The following MAP2K6 variants were observed in gnomAD, a reference collection of about 807,000 sequenced individuals.
MAP2K6 encodes the protein mitogen-activated protein kinase kinase 6.
A neutral mutation model predicts 53.7 loss-of-function variants in MAP2K6; 16 were observed. The observed-to-expected ratio is 0.30, with a 90% confidence interval of 0.20 to 0.45. The LOEUF (loss-of-function observed/expected upper bound fraction) is 0.45, where lower values mean the gene tolerates loss of function less well. Among genes scored for constraint, MAP2K6 ranks in the 20% least tolerant of loss-of-function variants. The pLI, the probability that MAP2K6 is intolerant of heterozygous loss-of-function variation, is 1.00. For missense variants in MAP2K6, 204 were observed against 411.9 expected, an observed-to-expected ratio of 0.50 and a Z score of 4.37; for synonymous variants, 132 against 143.1, an observed-to-expected ratio of 0.92 and a Z score of 0.55.
At chr17:69,530,897 C>T (rs1440413084) in intron 10 of MAP2K6, among the ~76,000 whole-genome samples, 1 of 152,076 alleles carries the variant, frequency 6.6e-6, no homozygotes, top group Non-Finnish European at 1.5e-5. Context: ...TGATCTGGAG[C>T]TTGGTGGAAA....
At chr17:69,534,142 C>T (rs1304148621) in intron 10 of MAP2K6, among the ~76,000 whole-genome samples, 1 of 152,144 alleles carries the variant, frequency 6.6e-6, no homozygotes, top group East Asian at 1.9e-4. Context: ...GATGTAACAA[C>T]CAAAAATGCC....
At chr17:69,438,127 G>C (rs1054230624) in intron 1 of MAP2K6, among the ~76,000 whole-genome samples, 4 of 152,238 alleles carry the variant, frequency 2.6e-5, no homozygotes, top group Admixed American at 2.6e-4. Context: ...AAACCTTTCC[G>C]AGGGGGACAG....
intron 1 of MAP2K6, among the ~76,000 whole-genome samples, chr17:69,493,849 C>T (rs1908847336): frequency 6.6e-6 from 1 of 152,062 alleles, no homozygotes; most frequent in Non-Finnish European, 1.5e-5. Flanking sequence ...ACCCCTTGTA[C>T]CCTTGTACCC....
chr17:69,451,062 A>G (rs1194261214), intron 1 of MAP2K6, among the ~76,000 whole-genome samples: 4 of 152,326 alleles, frequency 2.6e-5, no homozygotes, highest in Admixed American at 6.5e-5. Flanking sequence ...AACAGCGTGA[A>G]TAAGGGCACA....
intron 2 of MAP2K6, among the ~76,000 whole-genome samples, chr17:69,516,136 C>T (rs2145248205): frequency 6.6e-6 from 1 of 152,088 alleles, no homozygotes; most frequent in South Asian, 2.1e-4. Flanking sequence ...ATTATTATTA[C>T]ATTGTAATAC....
intron 2 of MAP2K6, among the ~76,000 whole-genome samples, chr17:69,515,160 CTTT>C (rs879532445): frequency 7.2e-6 from 1 of 138,696 alleles, no homozygotes. Context: ...TCGAAATTTG[CTTT>C]TTTTTTTTTT....
Position 69,549,859 on chromosome 17 carries a change from T to C in MAP2K6, c.*8106T>C, listed in dbSNP as rs921867573. ...ATCTTAGGGGATTGTTGCTGGACTT[T>C]GGAATATAAGGCTGAACAGTGATGT... On this transcript the variant is annotated 3_prime_UTR_variant, in exon 12 of 12. Transcript: ENST00000590474. 1.3e-5 allele frequency: 2 copies of C among 152,100 alleles called. No homozygotes were observed. The highest frequency in any genetic ancestry group is 4.8e-5 in the African/African-American group (2 of 41,418). 9.4% of individuals were successfully genotyped at this position (152,100 alleles called of 1,614,324 possible).
intron 4 of MAP2K6, among the ~76,000 whole-genome samples, chr17:69,519,054 A>G (rs1475359065): frequency 6.6e-6 from 1 of 152,234 alleles, no homozygotes; most frequent in Admixed American, 6.5e-5. Context: ...CATACCTTGG[A>G]AATACATTCC....
intron 7 of MAP2K6, chr17:69,521,315 C>T (rs1229003434): frequency 4.7e-6 from 2 of 426,598 alleles, no homozygotes; most frequent in Non-Finnish European, 8.3e-6. Context: ...CTTTGTCTTA[C>T]ATCCAAATTG....
At chr17:69,516,792 T>G in intron 2 of MAP2K6, 63 bp from the exon 3 acceptor site, 1 of 1,232,844 alleles carries the variant, frequency 8.1e-7, no homozygotes, top group Non-Finnish European at 1.2e-6. Flanking sequence ...TGGTGTGTGA[T>G]TTGGGAAGGA....
chr17:69,447,487 A>G (rs1382606325), intron 1 of MAP2K6, among the ~76,000 whole-genome samples: 1 of 151,936 alleles, frequency 6.6e-6, no homozygotes, highest in Non-Finnish European at 1.5e-5. Flanking sequence ...CTGGAATTAC[A>G]GGCACCCGCC....
intron 1 of MAP2K6, among the ~76,000 whole-genome samples, chr17:69,476,833 T>C (rs1456751113): frequency 6.6e-6 from 1 of 152,154 alleles, no homozygotes; most frequent in Non-Finnish European, 1.5e-5. Flanking sequence ...CATTCAGCAG[T>C]GGTAATAGCT....
intron 1 of MAP2K6, among the ~76,000 whole-genome samples, chr17:69,447,830 C>A (rs1165441582): frequency 6.6e-6 from 1 of 152,146 alleles, no homozygotes; most frequent in African/African-American, 2.4e-5. Flanking sequence ...TGAGCAGGAG[C>A]TGAGGGACGC....
At chr17:69,500,176 G>A (rs2145212915) in intron 1 of MAP2K6, among the ~76,000 whole-genome samples, 1 of 152,208 alleles carries the variant, frequency 6.6e-6, no homozygotes, top group African/African-American at 2.4e-5. Context: ...GCTCACACCT[G>A]TAATCCCAGT....
Position 69,552,327 on chromosome 17 carries a change from T to A in MAP2K6, c.*10574T>A, listed in dbSNP as rs1209994893. The A allele has an allele frequency of 6.6e-6, 1 of 152,124 alleles. No individual in the cohort carries two copies. Among genetic ancestry groups the A allele is most frequent in the Non-Finnish European group, 1.5e-5 (1 of 68,028 alleles). The allele number at this position is 152,124 out of a possible 1,614,324, so 9.4% of individuals were successfully genotyped here. ...GCACCCCTGTCTTTCAAAACCCACC[T>A]CCAGCACTTCAAAGTAGTGTCTCTG... On this transcript the variant is annotated 3_prime_UTR_variant, in exon 12 of 12. Coordinates refer to ENST00000590474, the MANE Select transcript of MAP2K6 (RefSeq NM_002758.4).
intron 11 of MAP2K6, among the ~76,000 whole-genome samples, chr17:69,539,961 G>T (rs1336238555): frequency 3.3e-5 from 5 of 152,184 alleles, no homozygotes; most frequent in African/African-American, 1.2e-4. Flanking sequence ...AGCTTCAGTT[G>T]ATTTCATGAG....
intron 4 of MAP2K6, 147 bp from the exon 5 acceptor site, chr17:69,519,166 C>A: frequency 1.3e-6 from 1 of 779,548 alleles, no homozygotes; most frequent in Non-Finnish European, 2.0e-6. Flanking sequence ...TCATGTGTTA[C>A]AAATAGCTAA....
chr17:69,418,119 C>G (rs1467453476), intron 1 of MAP2K6, among the ~76,000 whole-genome samples: 1 of 152,146 alleles, frequency 6.6e-6, no homozygotes, highest in Non-Finnish European at 1.5e-5. Flanking sequence ...ACCAGACGGA[C>G]TTGTCATGCT....
chr17:69,523,488 G>A (rs1342002803), intron 7 of MAP2K6, 26 bp from the exon 8 acceptor site: 1 of 1,611,198 alleles, frequency 6.2e-7, no homozygotes, highest in African/African-American at 1.3e-5. Context: ...CTGAAATGAT[G>A]GCATCCTGGT....
Sources: gnomAD v4.1 joint callset for allele counts (sites outside exome capture counted in the v4.1 genomes callset) on GRCh38, gnomAD v4.1.1 for gene constraint, MANE v1.5 for transcripts, NCBI Gene and HGNC (gene_info 2026-07-23, HGNC 2026-07-21) for gene names.